The following BEND6 variants were observed in gnomAD, a reference collection of about 807,000 sequenced individuals.
The protein encoded by BEND6 is BEN domain-containing protein 6.
BEND6 carries 24 observed loss-of-function variants against 31.8 expected under a neutral mutation model. The ratio of observed to expected loss-of-function variants is 0.75; its 90% confidence interval spans 0.55 to 1.06. The LOEUF is 1.06. Ranked by LOEUF, BEND6 falls within the 50% of genes least tolerant of loss-of-function variation. The probability of loss-of-function intolerance (pLI) is 0.00; values close to 1 mark genes in which losing one functional copy is unlikely to be tolerated. For missense variants in BEND6, 294 were observed against 327.4 expected, an observed-to-expected ratio of 0.90 and a Z score of 0.79; for synonymous variants, 109 against 114.6, an observed-to-expected ratio of 0.95 and a Z score of 0.31.
chr6:56,981,624 A>C (rs1826072324), intron 1 of BEND6, 87 bp from the exon 2 acceptor site: 1 of 496,826 alleles, frequency 2.0e-6, no homozygotes, highest in Non-Finnish European at 3.5e-6. Context: ...AACATTAATA[A>C]AACTGGTTTA....
At chr6:57,015,108 A>G in intron 3 of BEND6, 25 bp from the exon 4 acceptor site, 2 of 1,589,696 alleles carry the variant, frequency 1.3e-6, no homozygotes, top group Non-Finnish European at 1.7e-6. Context: ...GTATTTGTAA[A>G]GTGTACTTTT....
chr6:56,962,077 G>A (rs1210012798), intron 1 of BEND6, among the ~76,000 whole-genome samples: 1 of 152,166 alleles, frequency 6.6e-6, no homozygotes, highest in Non-Finnish European at 1.5e-5. Flanking sequence ...GTTACTTTAG[G>A]AGTGGATTTG....
At chr6:57,008,276 G>C (rs755079939) in intron 3 of BEND6, 5 of 702,026 alleles carry the variant, frequency 7.1e-6, no homozygotes, top group Non-Finnish European at 1.3e-5. Flanking sequence ...CCTGGTGCTA[G>C]GAATCAAAGA....
chr6:57,001,327 C>A (rs1826935974), intron 3 of BEND6, among the ~76,000 whole-genome samples: 1 of 151,942 alleles, frequency 6.6e-6, no homozygotes, highest in African/African-American at 2.4e-5. Flanking sequence ...CAATGCCTGG[C>A]CAATTTTTCT....
At chr6:56,978,899 A>G (rs1177266723) in intron 1 of BEND6, among the ~76,000 whole-genome samples, 2 of 152,232 alleles carry the variant, frequency 1.3e-5, no homozygotes, top group African/African-American at 4.8e-5. Flanking sequence ...ACAAAATTAT[A>G]TACAAGACAA....
chr6:56,965,743 A>G (rs1359857507), intron 1 of BEND6, among the ~76,000 whole-genome samples: 1 of 150,152 alleles, frequency 6.7e-6, no homozygotes, highest in Non-Finnish European at 1.5e-5. Flanking sequence ...GATATTTCAA[A>G]AAGAAATGAT....
intron 1 of BEND6, among the ~76,000 whole-genome samples, chr6:56,962,135 C>G (rs1284130513): frequency 6.6e-6 from 1 of 152,190 alleles, no homozygotes; most frequent in African/African-American, 2.4e-5. Flanking sequence ...TCTCTCTCAT[C>G]TTCATCTTCC....
At chr6:57,006,814 G>A (rs1481218845) in intron 3 of BEND6, among the ~76,000 whole-genome samples, 1 of 152,202 alleles carries the variant, frequency 6.6e-6, no homozygotes, top group Non-Finnish European at 1.5e-5. Flanking sequence ...AATGCTGGAT[G>A]TATCACTCAA....
At chr6:56,970,348 C>T (rs1825650609) in intron 1 of BEND6, among the ~76,000 whole-genome samples, 1 of 152,082 alleles carries the variant, frequency 6.6e-6, no homozygotes, top group South Asian at 2.1e-4. Context: ...GCACGTGCCA[C>T]CATGCCTGTC....
chr6:56,982,377 A>G (rs1297460454), intron 2 of BEND6, among the ~76,000 whole-genome samples: 3 of 152,196 alleles, frequency 2.0e-5, no homozygotes, highest in Admixed American at 6.5e-5. Flanking sequence ...AGAAATTGGA[A>G]TGCCTCATCT....
At chr6:57,017,161 T>C (rs1593027729) in intron 4 of BEND6, 46 bp from the exon 5 acceptor site, 1 of 1,466,606 alleles carries the variant, frequency 6.8e-7, no homozygotes, top group Non-Finnish European at 9.2e-7. Context: ...TATTTCTCCA[T>C]ACAGCACTTT....
At chr6:56,959,486 AT>A (rs1334531952) in intron 1 of BEND6, among the ~76,000 whole-genome samples, 2 of 152,226 alleles carry the variant, frequency 1.3e-5, no homozygotes, top group Non-Finnish European at 2.9e-5. Context: ...ATTATTAGAA[AT>A]AAAGCATATT....
chr6:56,997,787 C>T (rs1355435428), intron 3 of BEND6, among the ~76,000 whole-genome samples: 1 of 152,100 alleles, frequency 6.6e-6, no homozygotes, highest in African/African-American at 2.4e-5. Flanking sequence ...CTCCTGACCT[C>T]GTGATCCACC....
chr6:56,986,249 A>C (rs1826268671), intron 2 of BEND6, among the ~76,000 whole-genome samples: 1 of 152,138 alleles, frequency 6.6e-6, no homozygotes, highest in Admixed American at 6.6e-5. Flanking sequence ...TGAAATATAC[A>C]AACATATACA....
intron 3 of BEND6, among the ~76,000 whole-genome samples, chr6:56,995,728 C>A (rs184670741): frequency 2.8e-4 from 43 of 152,292 alleles, no homozygotes; most frequent in Non-Finnish European, 1.6e-4. Flanking sequence ...TTAGGGCCCA[C>A]CCTAATGACC....
In BEND6 at chr6:57,018,402, C is replaced by T. The variant is rs748619216; in HGVS notation, c.713-19C>T. 26 of 1,576,258 alleles carry T rather than the reference C, an allele frequency of 1.6e-5. No homozygotes were observed. The highest frequency in any genetic ancestry group is 4.0e-5 in the Admixed American group (2 of 49,956). On this transcript the variant is annotated intron_variant, in intron 5 of 6. Coordinates refer to ENST00000370746, the MANE Select transcript of BEND6 (RefSeq NM_152731.3). Reference sequence around the variant, plus strand: ...AGCACTCATGAAGTTTCTCATGTGTCGCTATTGGTTTTTTACAGGAGTAAC... The same window carrying T: ...AGCACTCATGAAGTTTCTCATGTGTTGCTATTGGTTTTTTACAGGAGTAAC...
intron 1 of BEND6, among the ~76,000 whole-genome samples, chr6:56,960,351 T>C (rs923520291): frequency 6.6e-6 from 1 of 152,194 alleles, no homozygotes; most frequent in Non-Finnish European, 1.5e-5. Flanking sequence ...GCTGAAGATA[T>C]TGCCTTCTAG....
chr6:56,994,457 CAAAAAAAAAAAAAA>C (rs67871242), intron 3 of BEND6, among the ~76,000 whole-genome samples: 4 of 54,864 alleles, frequency 7.3e-5, no homozygotes, highest in Non-Finnish European at 5.9e-5. Context: ...GACTCCATCT[CAAAAAAAAAAAAAA>C]AAAAAAAAAA....
In BEND6 at chr6:57,015,064, A is replaced by C. The variant is rs1222184719; in HGVS notation, c.299-69A>C. On this transcript the variant is annotated intron_variant, in intron 3 of 6. Transcript: ENST00000370746. ...ATATTTCTATGCACATACACTCAAC[A>C]AAAAAATATGTACATATGCACCTAT... 3.7e-6 allele frequency: 5 copies of C among 1,360,818 alleles called. No homozygotes were observed. The Admixed American group carries it at 8.4e-5, about 23-fold the overall frequency. 84.3% of individuals were successfully genotyped at this position (1,360,818 alleles called of 1,614,324 possible).
Sources: allele counts gnomAD v4.1 joint callset (sites outside exome capture counted in the v4.1 genomes callset), GRCh38; gene constraint gnomAD v4.1.1; transcripts MANE v1.5; gene names NCBI Gene and HGNC (gene_info 2026-07-23, HGNC 2026-07-21).